Variants in KANSL1L observed in about 807,000 individuals in gnomAD.
The protein encoded by KANSL1L is KAT8 regulatory NSL complex subunit 1-like protein.
A neutral mutation model predicts 108.6 loss-of-function variants in KANSL1L; 25 were observed. The observed-to-expected ratio is 0.23, with a 90% CI of 0.17 to 0.32. The LOEUF (loss-of-function observed/expected upper bound fraction) is 0.32. Ranked by LOEUF, KANSL1L falls within the 10% of genes least tolerant of loss-of-function variation. The pLI, the probability that KANSL1L is intolerant of heterozygous loss-of-function variation, is 1.00. For synonymous variants in KANSL1L, 405 were observed against 395.1 expected, an observed-to-expected ratio of 1.03 and a Z score of -0.30; for missense variants, 1,137 against 1,125.7, an observed-to-expected ratio of 1.01 and a Z score of -0.14.
chr2:210,096,158 G>C (rs988160366), intron 5 of KANSL1L, among the ~76,000 whole-genome samples: 6 of 152,086 alleles, frequency 3.9e-5, no homozygotes, highest in African/African-American at 1.4e-4. Context: ...AAAAACCTTT[G>C]AACTACTAGT....
chr2:210,046,631 C>T (rs1339344913), intron 6 of KANSL1L, among the ~76,000 whole-genome samples: 1 of 152,072 alleles, frequency 6.6e-6, no homozygotes, highest in East Asian at 1.9e-4. Flanking sequence ...GCCTTCCAGA[C>T]CCAGTAGGCT....
chr2:210,137,081 G>T (rs2095180173), intron 2 of KANSL1L, among the ~76,000 whole-genome samples: 1 of 152,076 alleles, frequency 6.6e-6, no homozygotes, highest in South Asian at 2.1e-4. Context: ...CATATCCTGG[G>T]TCTCTTCTTT....
rs1201481491 is a variant in KANSL1L at position 210,154,211 on chromosome 2, G to C, written c.372C>G (p.Ile124Met). Residue 124 changes from isoleucine to methionine, a missense_variant, in exon 2 of 15, where the codon ATC becomes ATG. By Grantham distance (10) the Ile-to-Met change is conservative. Transcript: ENST00000281772. ...TGAACTCTTCAGAATGAGAAAGACA[G>C]ATTTTACTGAGCTGAATGTTGCTGC... ...YNGSNIQLSK[I>M]CLSHSEEFIK... The C allele has an allele frequency of 3.1e-6, 5 of 1,614,030 alleles. No individual in the cohort carries two copies. In the Admixed American group the frequency reaches 6.7e-5, roughly 22 times the overall value.
rs935150947 is a variant in KANSL1L at position 210,171,200 on chromosome 2, G to C, written c.-81C>G. 307 of 155,114 alleles carry C rather than the reference G, an allele frequency of 2.0e-3. 1 individual carries two copies. Among genetic ancestry groups the C allele is most frequent in the African/African-American group, 7.0e-3 (289 of 41,564 alleles). The allele number at this position is 155,114 out of a possible 1,614,324, so 9.6% of individuals were successfully genotyped here. A position where few individuals can be genotyped will look rare whatever the true frequency, so the allele number is the denominator to read the frequency against. On this transcript the variant is annotated 5_prime_UTR_variant, in exon 1 of 15. Transcript: ENST00000281772. ...GCCGCCGCACCTTCGGTCCGGCCGTGGTGGGGGCTGCTGAGGTGATCTCTA... is the reference window on the plus strand; with the variant it reads ...GCCGCCGCACCTTCGGTCCGGCCGTCGTGGGGGCTGCTGAGGTGATCTCTA...
In KANSL1L at chr2:210,121,900, C is replaced by G. The variant is rs184577494; in HGVS notation, c.1230+7131G>C. On this transcript the variant is annotated intron_variant, in intron 3 of 14. Coordinates refer to ENST00000281772, the MANE Select transcript of KANSL1L (RefSeq NM_152519.4). ...AGCATTTCTATATGCCAACAGCATA[C>G]AATCTAGAGAAGAAATCAAGAAAGT... Among the ~76,000 whole-genome samples the G allele has an allele frequency of 9.8e-4, 149 of 152,128 alleles. No homozygotes were observed. In the Middle Eastern group the frequency reaches 0.01, roughly 10 times the overall value.
In KANSL1L at chr2:210,044,411, T is replaced by C. The variant is rs749652380; in HGVS notation, c.1756-307A>G. ...ACATACTAGCTGGGAATGATAACTG[T>C]AATTTTTTTCCTTCAATCCTACTAG... On this transcript the variant is annotated intron_variant, in intron 6 of 14. Coordinates refer to ENST00000281772, the MANE Select transcript of KANSL1L (RefSeq NM_152519.4). The surrounding 1 kb of genome is among the most constrained non-coding windows in gnomAD (Gnocchi z 4.2). Among the ~76,000 whole-genome samples, 22 of 146,562 alleles carry C rather than the reference T, an allele frequency of 1.5e-4. No homozygotes were observed. The highest frequency in any genetic ancestry group is 2.5e-4 in the Non-Finnish European group (17 of 67,974).
At position 210,169,222 on chromosome 2, in the gene KANSL1L, G is replaced by T. The variant is rs148698073; in HGVS notation, c.-30+1927C>A. ...TTCCTCTTCTACAAATCTAAGGGGG[G>T]GAAATTTCAAAGGTTTATGTAAAAG... is the stretch of plus-strand genomic sequence containing the variant. On this transcript the variant is annotated intron_variant, in intron 1 of 14. Transcript: ENST00000281772. Among the ~76,000 whole-genome samples, 1,132 of 152,056 alleles carry T rather than the reference G, an allele frequency of 7.4e-3. 13 individuals are homozygous for T. Among genetic ancestry groups the T allele is most frequent in the African/African-American group, 0.026 (1,069 of 41,482 alleles).
intron 2 of KANSL1L, among the ~76,000 whole-genome samples, chr2:210,132,917 T>C (rs1003515990): frequency 2.0e-5 from 3 of 152,200 alleles, no homozygotes; most frequent in Non-Finnish European, 4.4e-5. Context: ...AATTAATCAG[T>C]GAAGCCATCT....
intron 2 of KANSL1L, among the ~76,000 whole-genome samples, chr2:210,149,187 T>C (rs1020716782): frequency 1.3e-5 from 2 of 151,828 alleles, no homozygotes; most frequent in Non-Finnish European, 2.9e-5. Context: ...AAGAGAGAAA[T>C]TTCAGATTGC....
At chr2:210,086,049 G>A (rs1575501846) in intron 5 of KANSL1L, among the ~76,000 whole-genome samples, 1 of 151,608 alleles carries the variant, frequency 6.6e-6, no homozygotes, top group Admixed American at 6.6e-5. Flanking sequence ...TGAAAATATT[G>A]AGGGTAAAAA....
intron 6 of KANSL1L, among the ~76,000 whole-genome samples, chr2:210,069,792 T>G (rs1423637136): frequency 1.9e-3 from 7 of 3,718 alleles, no homozygotes; most frequent in African/African-American, 8.8e-3. Context: ...TGACATTCTT[T>G]TTTTTTTTTT....
intron 2 of KANSL1L, among the ~76,000 whole-genome samples, 192 bp from the exon 3 acceptor site, chr2:210,129,364 C>A (rs890408542): frequency 1.3e-5 from 2 of 152,180 alleles, no homozygotes; most frequent in Non-Finnish European, 2.9e-5. Flanking sequence ...TTCCACCCCA[C>A]AAATACCTGT....
chr2:210,111,470 G>A (rs1278304590), intron 3 of KANSL1L, among the ~76,000 whole-genome samples: 2 of 152,162 alleles, frequency 1.3e-5, no homozygotes, highest in Admixed American at 6.5e-5. Context: ...GTGGTTGCCA[G>A]AGAAAAGAGC....
At chr2:210,079,624 A>ATGTG (rs2094568174) in intron 5 of KANSL1L, among the ~76,000 whole-genome samples, 2 of 3,444 alleles carry the variant, frequency 5.8e-4, no homozygotes, top group African/African-American at 1.4e-3. Context: ...ATATATATAT[A>ATGTG]TATATATATA....
At chr2:210,077,958 G>A (rs2094553838) in intron 5 of KANSL1L, among the ~76,000 whole-genome samples, 1 of 152,118 alleles carries the variant, frequency 6.6e-6, no homozygotes. Flanking sequence ...ACTTAACAAT[G>A]GGGATACCTT....
intron 9 of KANSL1L, among the ~76,000 whole-genome samples, chr2:210,030,551 G>GTA (rs1454477479): frequency 1.4e-5 from 2 of 143,474 alleles, no homozygotes; most frequent in African/African-American, 5.1e-5. Flanking sequence ...GTGTGTGTGT[G>GTA]TGTAGTAAAT....
chr2:210,111,917 T>C (rs985091664), intron 3 of KANSL1L, among the ~76,000 whole-genome samples: 4 of 134,152 alleles, frequency 3.0e-5, no homozygotes, highest in African/African-American at 1.1e-4. Flanking sequence ...TGGTGTGTGA[T>C]GTTCCCCTTC....
intron 14 of KANSL1L, 59 bp from the exon 15 acceptor site, chr2:210,023,238 T>A: frequency 8.5e-7 from 1 of 1,178,480 alleles, no homozygotes; most frequent in Non-Finnish European, 1.3e-6. Flanking sequence ...TAAATTCATC[T>A]AACAAGTAAT....
chr2:210,119,150 C>A (rs1275239896), intron 3 of KANSL1L, among the ~76,000 whole-genome samples: 1 of 151,686 alleles, frequency 6.6e-6, no homozygotes, highest in Non-Finnish European at 1.5e-5. Flanking sequence ...CACCACTGCA[C>A]TCCAGCCTGG....
Sources: allele counts gnomAD v4.1 joint callset (sites outside exome capture counted in the v4.1 genomes callset), GRCh38; gene constraint gnomAD v4.1.1; non-coding constraint Gnocchi (gnomAD v3.1); transcripts MANE v1.5; gene names NCBI Gene and HGNC (gene_info 2026-07-23, HGNC 2026-07-21).